SPATC1: variants seen among roughly 807,000 people sequenced by gnomAD.
SPATC1 encodes the protein spermatogenesis and centriole associated 1, also known as speriolin.
Under a neutral mutation model 36.5 loss-of-function variants are expected in SPATC1, and 35 were observed. That is an observed-to-expected ratio of 0.96 (90% CI 0.73 to 1.27). The LOEUF is 1.27. Among genes scored for constraint, SPATC1 ranks in the 50% most tolerant of loss-of-function variants. SPATC1 has a pLI of 0.00. For missense variants in SPATC1, 779 were observed against 796.0 expected, an observed-to-expected ratio of 0.98 and a Z score of 0.26; for synonymous variants, 361 against 353.6, an observed-to-expected ratio of 1.02 and a Z score of -0.24.
At chr8:144,041,866 TG>T (rs1835111112) in intron 4 of SPATC1, 1 of 748,036 alleles carries the variant, frequency 1.3e-6, no homozygotes, top group South Asian at 6.0e-5. Context: ...TGCAGGCCTG[TG>T]TGTAGCCTAA....
intron 2 of SPATC1, 34 bp from the exon 3 acceptor site, chr8:144,040,534 C>A: frequency 6.4e-7 from 1 of 1,563,272 alleles, no homozygotes; most frequent in Non-Finnish European, 8.7e-7. Flanking sequence ...CTCTAATCCC[C>A]CTTTTTTTAT....
intron 4 of SPATC1, among the ~76,000 whole-genome samples, chr8:144,044,193 T>A (rs7838600): frequency 1.3e-5 from 2 of 152,082 alleles, no homozygotes; most frequent in Non-Finnish European, 1.5e-5. Flanking sequence ...ATGCATGCTC[T>A]GGGAACAGGG....
chr8:144,023,732 C>T (rs1304253665), intron 1 of SPATC1, among the ~76,000 whole-genome samples: 61 of 5,464 alleles, frequency 0.011, 30 homozygotes, highest in Non-Finnish European at 0.016. Flanking sequence ...CCCTCAGGAC[C>T]CTCTCCCCTC....
intron 1 of SPATC1, among the ~76,000 whole-genome samples, chr8:144,033,681 G>A (rs1035685094): frequency 2.6e-5 from 4 of 152,176 alleles, no homozygotes; most frequent in Admixed American, 1.3e-4. Context: ...TTACCCATGG[G>A]CAGTGAAAGC....
At chr8:144,027,166 G>A (rs1041888322) in intron 1 of SPATC1, among the ~76,000 whole-genome samples, 1 of 151,640 alleles carries the variant, frequency 6.6e-6, no homozygotes, top group African/African-American at 2.4e-5. Context: ...TAGAGACAAG[G>A]TCTCACTATG....
chr8:144,022,836 T>A (rs1834567097), intron 1 of SPATC1, among the ~76,000 whole-genome samples: 1 of 145,740 alleles, frequency 6.9e-6, no homozygotes, highest in African/African-American at 2.6e-5. Flanking sequence ...TCTAACGACC[T>A]TCTTCCCTGA....
intron 1 of SPATC1, among the ~76,000 whole-genome samples, chr8:144,037,210 C>G (rs1310612081): frequency 1.4e-5 from 2 of 145,592 alleles, no homozygotes; most frequent in African/African-American, 2.5e-5. Flanking sequence ...GTCAGCCCCC[C>G]GCCCAGCCGG....
In SPATC1 at chr8:144,040,572, A is replaced by C. The variant is rs1554755709; in HGVS notation, c.771A>C (p.Pro257=). ...CVVPTATTKV[P]LSTEPPQSTQ... ...CTGTTCCCTCCACATCACTAGTCCC[A>C]CTCTCCACTGAGCCCCCCCAGTCGA... The change falls in exon 3 of 5, where the codon CCA becomes CCC. Residue 257 remains proline (P), a synonymous_variant. Coordinates refer to ENST00000377470, the MANE Select transcript of SPATC1 (RefSeq NM_198572.3). The C allele has an allele frequency of 6.3e-7, 1 of 1,583,626 alleles. No individual in the cohort carries two copies. The highest frequency in any genetic ancestry group is 8.6e-7 in the Non-Finnish European group (1 of 1,166,064).
rs1262751479 is a variant in SPATC1, at chr8:144,023,901, A to G, written c.211+11175A>G. ...CCCCTCAGAAAGCTCTTCTCTCAGA[A>G]CCCTCTTCCCTGAGGACCCTGTTCC... On this transcript the variant is annotated intron_variant, in intron 1 of 4. Coordinates refer to ENST00000377470, the MANE Select transcript of SPATC1 (RefSeq NM_198572.3). 1.4e-3 allele frequency among the ~76,000 whole-genome samples: 184 copies of G among 134,260 alleles called. 3 individuals are homozygous for G. The highest frequency in any genetic ancestry group is 5.1e-3 in the African/African-American group (178 of 34,576). 88.1% of individuals were successfully genotyped at this position (134,260 alleles called of 152,430 possible). A position where few individuals can be genotyped will look rare whatever the true frequency, so the allele number is the denominator to read the frequency against.
chr8:144,040,454 A>T lies in SPATC1; in HGVS notation c.757A>T (p.Thr253Ser). ...CCCAGCTTGCGTGGTACCCACTGCC[A>T]CCACCAAAGGTAACAGGTGTGGTGG... ...QSPACVVPTA[T>S]TKVPLSTEPP... is the part of the protein sequence containing the mutation. The change falls in exon 2 of 5, where the codon ACC becomes TCC. Residue 253 changes from threonine (T) to serine (S), a missense_variant. Transcript: ENST00000377470. The T allele has an allele frequency of 1.9e-6, 3 of 1,598,054 alleles. No homozygotes were observed. The highest frequency in any genetic ancestry group is 2.6e-6 in the Non-Finnish European group (3 of 1,172,406).
intron 1 of SPATC1, among the ~76,000 whole-genome samples, chr8:144,028,822 AGACTG>A (rs1430766450): frequency 6.6e-6 from 1 of 152,216 alleles, no homozygotes; most frequent in Admixed American, 6.5e-5. Context: ...CACCAATGAT[AGACTG>A]GATAAAGAAA....
rs1306612467 is a variant in SPATC1, at chr8:144,040,375, C to T, written c.678C>T (p.Ala226=). Residue 226 remains alanine, a synonymous_variant, in exon 2 of 5, where the codon GCC becomes GCT. Coordinates refer to ENST00000377470, the MANE Select transcript of SPATC1 (RefSeq NM_198572.3). The stretch of plus-strand genomic sequence containing the variant: ...TGAGCAACCTGGTCCTGCCAGAGGC[C>T]CCAAGGCTGCGGCTGGCTGAGCCAC... ...NPMSNLVLPE[A]PRLRLAEPLR... 4 of 1,612,508 alleles carry T rather than the reference C, an allele frequency of 2.5e-6. No homozygotes were observed. Among genetic ancestry groups the T allele is most frequent in the Non-Finnish European group, 3.4e-6 (4 of 1,179,856 alleles).
intron 1 of SPATC1, among the ~76,000 whole-genome samples, chr8:144,024,574 C>T (rs989109062): frequency 6.7e-6 from 1 of 150,154 alleles, no homozygotes; most frequent in African/African-American, 2.5e-5. Context: ...CCTTCAGAAC[C>T]CTTTCCCTAA....
chr8:144,037,966 A>G (rs1834955571), intron 1 of SPATC1, among the ~76,000 whole-genome samples: 1 of 151,600 alleles, frequency 6.6e-6, no homozygotes, highest in Non-Finnish European at 1.5e-5. Context: ...TGTCTCTCCT[A>G]AAAATACAAA....
In SPATC1 at chr8:144,045,858, C is replaced by G; in HGVS notation, c.1447-769C>G. On this transcript the variant is annotated intron_variant, in intron 4 of 4. Transcript: ENST00000377470. The surrounding 1 kb of genome is among the most constrained non-coding windows in gnomAD (Gnocchi z 5.2). ...CCCACAACTGCCCAGGTCACACATC[C>G]AGGGGGCAGCGGCAGGCTGAGTGGG... is the stretch of plus-strand genomic sequence containing the variant. Among the ~76,000 whole-genome samples the G allele has an allele frequency of 6.6e-6, 1 of 152,366 alleles. No individual in the cohort carries two copies. The highest frequency in any genetic ancestry group is 2.1e-4 in the South Asian group (1 of 4,830).
In SPATC1 at chr8:144,034,616, T is replaced by TTTTA. The variant is rs1190472621; in HGVS notation, c.212-5273_212-5270dup. On this transcript the variant is annotated intron_variant, in intron 1 of 4. Coordinates refer to ENST00000377470, the MANE Select transcript of SPATC1 (RefSeq NM_198572.3). Reference sequence around the variant, plus strand: ...CAGAGTGGAGAATGCAACTCTCAGCTTTTATTTATTTATTTATTTATTTTT... The same window carrying TTTTA: ...CAGAGTGGAGAATGCAACTCTCAGCTTTTATTTATTTATTTATTTATTTATTTTT... 8.5e-3 allele frequency among the ~76,000 whole-genome samples: 1,298 copies of TTTTA among 152,058 alleles called. 8 individuals are homozygous for TTTTA. Among genetic ancestry groups the TTTTA allele is most frequent in the Non-Finnish European group, 0.012 (839 of 67,962 alleles).
intron 1 of SPATC1, among the ~76,000 whole-genome samples, 199 bp from the exon 2 acceptor site, chr8:144,039,710 G>C (rs930268443): frequency 1.3e-5 from 2 of 152,186 alleles, no homozygotes; most frequent in Non-Finnish European, 2.9e-5. Context: ...AGCAGACACA[G>C]ACTCCCCACA....
chr8:144,040,267 G>A lies in SPATC1; in HGVS notation c.570G>A (p.Thr190=), dbSNP rs782597071. ...CCCTGATAGCCCCTGTGATGGGCAC[G>A]GTGGCTGTCTCTCTGAGCAGCCCCC... is the stretch of plus-strand genomic sequence containing the variant. The part of the protein sequence containing the change: ...SSPLIAPVMG[T]VAVSLSSPLL... The change falls in exon 2 of 5, where the codon ACG becomes ACA. Residue 190 remains threonine (T), a synonymous_variant. Coordinates refer to ENST00000377470, the MANE Select transcript of SPATC1 (RefSeq NM_198572.3). The A allele has an allele frequency of 3.7e-5, 59 of 1,612,612 alleles. No homozygotes were observed. The highest frequency in any genetic ancestry group is 3.4e-4 in the South Asian group (31 of 91,052).
chr8:144,040,785 C>T lies in SPATC1; in HGVS notation c.984C>T (p.Thr328=). The change falls in exon 3 of 5, where the codon ACC becomes ACT. Residue 328 remains threonine (T), a synonymous_variant. Coordinates refer to ENST00000377470, the MANE Select transcript of SPATC1 (RefSeq NM_198572.3). ...VPASVPTSPT[T]SPTVTVLASA... The stretch of plus-strand genomic sequence containing the variant: ...CATCTGTCCCCACCTCCCCCACCAC[C>T]TCCCCCACGGTCACCGTCCTTGCCT... The T allele has an allele frequency of 7.0e-6, 11 of 1,566,836 alleles. No individual in the cohort carries two copies. Among genetic ancestry groups the T allele is most frequent in the Non-Finnish European group, 9.5e-6 (11 of 1,157,612 alleles).
Sources: allele counts gnomAD v4.1 joint callset (sites outside exome capture counted in the v4.1 genomes callset), GRCh38; gene constraint gnomAD v4.1.1; non-coding constraint Gnocchi (gnomAD v3.1); transcripts MANE v1.5; gene names NCBI Gene and HGNC (gene_info 2026-07-23, HGNC 2026-07-21).